The following PRSS55 variants were observed in gnomAD, a reference collection of about 807,000 sequenced individuals.
The protein encoded by PRSS55 is probable serine protease UNQ9391/PRO34284.
PRSS55 carries 41 observed loss-of-function variants against 23.6 expected under a neutral mutation model. That is an observed-to-expected ratio of 1.74 (90% CI 1.35 to 2.26). The LOEUF is 2.26. Ranked by LOEUF, PRSS55 falls within the 30% of genes most tolerant of loss-of-function variation. The pLI is 0.00. For missense variants in PRSS55, 669 were observed against 439.1 expected, an observed-to-expected ratio of 1.52 and a Z score of -4.68; for synonymous variants, 262 against 175.5, an observed-to-expected ratio of 1.49 and a Z score of -3.90.
intron 4 of PRSS55, among the ~76,000 whole-genome samples, chr8:10,548,864 G>T (rs1365216847): frequency 6.6e-6 from 1 of 152,124 alleles, no homozygotes; most frequent in Non-Finnish European, 1.5e-5. Flanking sequence ...TGGGGACCTG[G>T]TGGTGGGGGA....
At chr8:10,554,103 T>A in exon 5 of PRSS55, 1 of 967,882 alleles carries the variant, frequency 1.0e-6, no homozygotes, top group Non-Finnish European at 1.5e-6. Context: ...AGCCTTGAGT[T>A]GAAAATCTTT....
At chr8:10,550,415 T>C (rs1214959440) in intron 4 of PRSS55, among the ~76,000 whole-genome samples, 1 of 152,224 alleles carries the variant, frequency 6.6e-6, no homozygotes, top group South Asian at 2.1e-4. Flanking sequence ...CATAAGCCTG[T>C]ACTAGTCCTG....
chr8:10,538,541 C>T lies in PRSS55; in HGVS notation c.807C>T (p.Ile269=), dbSNP rs1300883027. The part of the protein sequence containing the change: ...EPGEKWYQVG[I]ISWGKSCGEK... ...GTGAGAAGTGGTACCAGGTGGGCAT[C>T]ATAAGCTGGGGAAAGAGCTGTGGAG... The change falls in exon 5 of 5, where the codon ATC becomes ATT. Residue 269 remains isoleucine (I), a synonymous_variant. Coordinates refer to ENST00000328655, the MANE Select transcript of PRSS55 (RefSeq NM_198464.4). 1 of 1,614,166 alleles carries T rather than the reference C, an allele frequency of 6.2e-7. No individual in the cohort carries two copies. The highest frequency in any genetic ancestry group is 1.1e-5 in the South Asian group (1 of 91,088).
chr8:10,552,335 A>G (rs932401505), intron 4 of PRSS55, among the ~76,000 whole-genome samples: 3 of 152,348 alleles, frequency 2.0e-5, no homozygotes, highest in Middle Eastern at 3.4e-3. Flanking sequence ...ACATCTTCCT[A>G]CTTTAATCTA....
At chr8:10,536,575 C>T (rs931175630) in intron 4 of PRSS55, among the ~76,000 whole-genome samples, 1 of 152,152 alleles carries the variant, frequency 6.6e-6, no homozygotes, top group African/African-American at 2.4e-5. Flanking sequence ...ATATGTTCGT[C>T]ACAGCGCTAT....
chr8:10,535,681 G>C (rs1392244778), intron 4 of PRSS55, among the ~76,000 whole-genome samples: 1 of 152,160 alleles, frequency 6.6e-6, no homozygotes, highest in Non-Finnish European at 1.5e-5. Context: ...TCATGAGGAA[G>C]TCTCCAAAAG....
chr8:10,550,476 C>T (rs779141641), intron 4 of PRSS55, among the ~76,000 whole-genome samples: 6 of 152,190 alleles, frequency 3.9e-5, no homozygotes, highest in Non-Finnish European at 7.3e-5. Context: ...CCTTAAACAA[C>T]AAGAATTTCT....
chr8:10,530,550 A>G (rs760943911), intron 2 of PRSS55, among the ~76,000 whole-genome samples: 3 of 152,204 alleles, frequency 2.0e-5, no homozygotes, highest in Non-Finnish European at 4.4e-5. Context: ...TAGAATGAAT[A>G]GCCCTCGTTT....
rs79988518 is a variant in PRSS55 at position 10,527,754 on chromosome 8, C to T, written c.155-1753C>T. 5.4e-4 allele frequency among the ~76,000 whole-genome samples: 83 copies of T among 152,322 alleles called. No individual in the cohort carries two copies. In the East Asian group the frequency reaches 0.012, roughly 22 times the overall value. ...GGGCAAACTACTTAACCTCTCTGTA[C>T]GTCAGTTGTCTCAATTACAAAGTGA... On this transcript the variant is annotated intron_variant, in intron 1 of 4. Transcript: ENST00000328655.
At chr8:10,542,424 A>G (rs141156061), downstream of PRSS55, among the ~76,000 whole-genome samples, 2 of 94,948 alleles carry the variant, frequency 2.1e-5, no homozygotes, top group African/African-American at 6.6e-5. Flanking sequence ...CGGGGGAAAA[A>G]AAAAAAAAAA....
intron 4 of PRSS55, among the ~76,000 whole-genome samples, chr8:10,536,109 C>T (rs1296281942): frequency 6.6e-6 from 1 of 152,102 alleles, no homozygotes; most frequent in Non-Finnish European, 1.5e-5. Context: ...CGGCGTGAAC[C>T]CAGGAGGCGG....
At chr8:10,537,160 A>C (rs2117046223) in intron 4 of PRSS55, among the ~76,000 whole-genome samples, 1 of 152,366 alleles carries the variant, frequency 6.6e-6, no homozygotes, top group East Asian at 1.9e-4. Flanking sequence ...CAGTATATCG[A>C]AGAGACATCT....
At chr8:10,533,875 A>T (rs1204236628) in intron 4 of PRSS55, among the ~76,000 whole-genome samples, 17 of 152,198 alleles carry the variant, frequency 1.1e-4, no homozygotes, top group Admixed American at 1.1e-3. Flanking sequence ...TCTATCTGTT[A>T]TGGTTTAATG....
intron 3 of PRSS55, 149 bp downstream of exon 3, chr8:10,531,694 T>C: frequency 1.7e-6 from 2 of 1,180,358 alleles, no homozygotes; most frequent in East Asian, 5.1e-5. Context: ...TAGCTCCTTT[T>C]GGGTGCCGAA....
chr8:10,531,974 T>G (rs1812283310), intron 3 of PRSS55, among the ~76,000 whole-genome samples: 1 of 152,178 alleles, frequency 6.6e-6, no homozygotes, highest in Non-Finnish European at 1.5e-5. Flanking sequence ...CTGTTGTTCC[T>G]TGTTGTTATG....
intron 4 of PRSS55, among the ~76,000 whole-genome samples, chr8:10,534,004 A>G (rs1013716758): frequency 2.6e-5 from 4 of 152,222 alleles, no homozygotes; most frequent in African/African-American, 9.6e-5. Flanking sequence ...GGTAAGAAGT[A>G]GACCCTGGCA....
Position 10,532,801 on chromosome 8 carries a change from G to C in PRSS55, c.599-105G>C, listed in dbSNP as rs113124355. 1.9e-3 allele frequency: 2,674 copies of C among 1,416,334 alleles called. 19 individuals are homozygous for C. The African/African-American group carries it at 0.022, about 12-fold the overall frequency. The allele number at this position is 1,416,334 out of a possible 1,614,324, so 87.7% of individuals were successfully genotyped here. ...GGGCTGCAGAGCCTGTGAAGGAAGG[G>C]GATGGGGGCTGGGGGACACAGGGCC... On this transcript the variant is annotated intron_variant, in intron 3 of 4. Coordinates refer to ENST00000328655, the MANE Select transcript of PRSS55 (RefSeq NM_198464.4).
chr8:10,540,273 G>C (rs563369247), downstream of PRSS55: 1 of 152,274 alleles, frequency 6.6e-6, no homozygotes, highest in Non-Finnish European at 1.5e-5. Context: ...GCGCTGCCGC[G>C]TGCTTCTTTC....
At chr8:10,535,162 A>G (rs1294588039) in intron 4 of PRSS55, among the ~76,000 whole-genome samples, 1 of 152,226 alleles carries the variant, frequency 6.6e-6, no homozygotes, top group Non-Finnish European at 1.5e-5. Flanking sequence ...TACAGATTCA[A>G]TACTATCCCT....
Sources: allele counts gnomAD v4.1 joint callset (sites outside exome capture counted in the v4.1 genomes callset), GRCh38; gene constraint gnomAD v4.1.1; transcripts MANE v1.5; gene names NCBI Gene and HGNC (gene_info 2026-07-23, HGNC 2026-07-21).